The following ARMCX3 variants were observed in gnomAD, a reference collection of about 807,000 sequenced individuals.
ARMCX3 encodes the protein armadillo repeat-containing X-linked protein 3.
In ARMCX3, 3 loss-of-function variants were observed where a neutral mutation model predicts 12.6. That is an observed-to-expected ratio of 0.24 (90% CI 0.11 to 0.61). ARMCX3 has a LOEUF of 0.61. ARMCX3 is among the 20% of genes least tolerant of loss of function. ARMCX3 has a pLI of 0.88. For missense variants in ARMCX3, 204 were observed against 286.1 expected (o/e 0.71, Z 2.07); for synonymous variants, 102 against 103.1 (o/e 0.99, Z 0.06).
rs868935240 is a variant in ARMCX3, at chrX:101,625,134, G to A, written c.155G>A (p.Cys52Tyr). ...GGGGATGTGGATGATGCTGGGGACT[G>A]TTCTGGGGCCAGGTATAATGACTGG... Reference protein sequence around the residue: ...GSGDVDDAGDCSGARYNDWSD... With the variant: ...GSGDVDDAGDYSGARYNDWSD... The change falls in exon 5 of 5, where the codon TGT becomes TAT. Residue 52 changes from cysteine to tyrosine, a missense_variant. By Grantham distance (194) the Cys-to-Tyr change is radical. Coordinates refer to ENST00000471229, the MANE Select transcript of ARMCX3 (RefSeq NM_177947.3). 1 of 1,207,888 alleles carries A rather than the reference G, an allele frequency of 8.3e-7. No individual in the cohort carries two copies. Among genetic ancestry groups the A allele is most frequent in the African/African-American group, 1.8e-5 (1 of 57,134 alleles).
chrX:101,625,892 C>T lies in ARMCX3; in HGVS notation c.913C>T (p.Leu305Phe). The T allele has an allele frequency of 8.3e-7, 1 of 1,201,960 alleles. No homozygotes were observed. Among genetic ancestry groups the T allele is most frequent in the Non-Finnish European group, 1.1e-6 (1 of 890,865 alleles). Residue 305 changes from leucine (L) to phenylalanine (F), a missense_variant, in exon 5 of 5, where the codon CTT becomes TTT. Transcript: ENST00000471229. ...GGAGAACAAAGAAGTTATTCTTAAA[C>T]TTCTGGTCATATTTGAGAACATAAA... ...KKENKEVILK[L>F]LVIFENINDN...
At position 101,627,397 on chromosome X, in the gene ARMCX3, A is replaced by T. The variant is rs1467881629; in HGVS notation, c.*1278A>T. 2.4e-5 allele frequency: 3 copies of T among 123,892 alleles called. No individual in the cohort carries two copies. Among genetic ancestry groups the T allele is most frequent in the African/African-American group, 9.7e-5 (3 of 31,038 alleles). The allele number at this position is 123,892 out of a possible 1,213,427, so 10.2% of individuals were successfully genotyped here. ...AGATATCCAGATAGAAACAGTAGTTATCTTTGGGTAGAAGAATAATGAGTG... is the reference window on the plus strand; with the variant it reads ...AGATATCCAGATAGAAACAGTAGTTTTCTTTGGGTAGAAGAATAATGAGTG... On this transcript the variant is annotated 3_prime_UTR_variant, in exon 5 of 5. Transcript: ENST00000471229.
chrX:101,625,142 GC>G lies in ARMCX3; in HGVS notation c.165del (p.Arg56GlyfsTer18), dbSNP rs782622259. The G allele has an allele frequency of 8.3e-7, 1 of 1,209,860 alleles. No homozygotes were observed. Among genetic ancestry groups the G allele is most frequent in the Non-Finnish European group, 1.1e-6 (1 of 895,200 alleles). ...DVDDAGDCSG[A>X]RYNDWSDDDD... Reference sequence around the variant, plus strand: ...GGATGATGCTGGGGACTGTTCTGGGGCCAGGTATAATGACTGGTCTGATGAT... The same window carrying G: ...GGATGATGCTGGGGACTGTTCTGGGGCAGGTATAATGACTGGTCTGATGAT... On this transcript the variant is annotated frameshift_variant, in exon 5 of 5. Coordinates refer to ENST00000471229, the MANE Select transcript of ARMCX3 (RefSeq NM_177947.3). LOFTEE classifies it high-confidence loss of function.
At chrX:101,623,353 C>T (rs1445466398) in intron 1 of ARMCX3, 77 bp downstream of exon 1, 1 of 113,198 alleles carries the variant, frequency 8.8e-6, no homozygotes, top group Non-Finnish European at 1.9e-5. Flanking sequence ...ACTGAGGCGC[C>T]TCCGTCGTCT....
rs1232255100 is a variant in ARMCX3, at chrX:101,625,754, A to G, written c.775A>G (p.Thr259Ala). The change falls in exon 5 of 5, where the codon ACC becomes GCC. Residue 259 changes from threonine to alanine, a missense_variant. Thr to Ala is a moderately conservative substitution (Grantham distance 58). Coordinates refer to ENST00000471229, the MANE Select transcript of ARMCX3 (RefSeq NM_177947.3). Reference sequence around the variant, plus strand: ...TTTATTTTCAGCGGGAAATGAAGAAACCAAACTTCAGGTTCTGAAACTCCT... The same window carrying G: ...TTTATTTTCAGCGGGAAATGAAGAAGCCAAACTTCAGGTTCTGAAACTCCT... ...FRLFSAGNEETKLQVLKLLLN... is the reference protein window; with the variant it reads ...FRLFSAGNEEAKLQVLKLLLN... The G allele has an allele frequency of 1.7e-6, 2 of 1,179,197 alleles. No homozygotes were observed.
rs1935973691 is a variant in ARMCX3 at position 101,625,638 on chromosome X, T to C, written c.659T>C (p.Val220Ala). The C allele has an allele frequency of 8.4e-7, 1 of 1,193,476 alleles. No individual in the cohort carries two copies. The highest frequency in any genetic ancestry group is 1.1e-6 in the Non-Finnish European group (1 of 886,865). Residue 220 changes from valine to alanine, a missense_variant, in exon 5 of 5, where the codon GTG (valine) becomes GCG (alanine). Physicochemically the swap from Val to Ala is moderately conservative, Grantham distance 64. Coordinates refer to ENST00000471229, the MANE Select transcript of ARMCX3 (RefSeq NM_177947.3). Reference sequence around the variant, plus strand: ...ATCACTTCTCGCTTGAACTCATCTGTGCAGCTTGCTGGACTGAGATTGCTT... The same window carrying C: ...ATCACTTCTCGCTTGAACTCATCTGCGCAGCTTGCTGGACTGAGATTGCTT... ...DTITSRLNSS[V>A]QLAGLRLLTN... is the part of the protein sequence containing the mutation.
Position 101,625,694 on chromosome X carries a change from CA to C in ARMCX3, c.716del (p.His239ProfsTer26). Reference protein sequence around the residue: ...TNMTVTNEYQHMLANSISDFF... With the variant: ...TNMTVTNEYQXMLANSISDFF... ...TATGACTGTTACTAATGAGTATCAG[CA>C]CATGCTTGCTAATTCCATTTCTGAC... On this transcript the variant is annotated frameshift_variant, in exon 5 of 5. Coordinates refer to ENST00000471229, the MANE Select transcript of ARMCX3 (RefSeq NM_177947.3). LOFTEE classifies it high-confidence loss of function. 1 of 1,186,387 alleles carries C rather than the reference CA, an allele frequency of 8.4e-7. No individual in the cohort carries two copies. The highest frequency in any genetic ancestry group is 1.1e-6 in the Non-Finnish European group (1 of 884,107).
In ARMCX3 at chrX:101,626,168, T is replaced by G; in HGVS notation, c.*49T>G. ...GCAACACACATTGTAAACTATTCATTTTCTCCACCTTGTTTATATGGTAAA... is the reference window on the plus strand; with the variant it reads ...GCAACACACATTGTAAACTATTCATGTTCTCCACCTTGTTTATATGGTAAA... On this transcript the variant is annotated 3_prime_UTR_variant, in exon 5 of 5. Coordinates refer to ENST00000471229, the MANE Select transcript of ARMCX3 (RefSeq NM_177947.3). 1 of 1,045,053 alleles carries G rather than the reference T, an allele frequency of 9.6e-7. No individual in the cohort carries two copies. Among genetic ancestry groups the G allele is most frequent in the Non-Finnish European group, 1.3e-6 (1 of 780,482 alleles). 86.1% of individuals were successfully genotyped at this position (1,045,053 alleles called of 1,213,427 possible).
rs1936000664 is a variant in ARMCX3 at position 101,627,133 on chromosome X, G to C, written c.*1014G>C. ...GTTCATCCCAGCACTGTCTAAGCTA[G>C]TAAAAATTGGAAACAATTTAAGTAT... On this transcript the variant is annotated 3_prime_UTR_variant, in exon 5 of 5. Coordinates refer to ENST00000471229, the MANE Select transcript of ARMCX3 (RefSeq NM_177947.3). The C allele has an allele frequency of 1.6e-5, 2 of 123,391 alleles. No individual in the cohort carries two copies. The highest frequency in any genetic ancestry group is 6.5e-5 in the African/African-American group (2 of 30,833). 10.2% of individuals were successfully genotyped at this position (123,391 alleles called of 1,213,427 possible). A position where few individuals can be genotyped will look rare whatever the true frequency, so the allele number is the denominator to read the frequency against.
In ARMCX3 at chrX:101,625,312, C is replaced by T. The variant is rs782203221; in HGVS notation, c.333C>T (p.Pro111=). ...ARRAVQKRAS[P]NSDDTVLSPQ... ...GGGCTGTCCAGAAACGGGCTTCCCC[C>T]AATTCAGATGATACCGTTTTGTCCC... The change falls in exon 5 of 5, where the codon CCC becomes CCT. Residue 111 remains proline (P), a synonymous_variant. Coordinates refer to ENST00000471229, the MANE Select transcript of ARMCX3 (RefSeq NM_177947.3). 1 of 1,209,955 alleles carries T rather than the reference C, an allele frequency of 8.3e-7. No homozygotes were observed. Among genetic ancestry groups the T allele is most frequent in the East Asian group, 3.0e-5 (1 of 33,844 alleles).
At position 101,625,929 on chromosome X, in the gene ARMCX3, A is replaced by G. The variant is rs781802741; in HGVS notation, c.950A>G (p.Lys317Arg). The G allele has an allele frequency of 1.7e-6, 2 of 1,201,168 alleles. No individual in the cohort carries two copies. Among genetic ancestry groups the G allele is most frequent in the Non-Finnish European group, 2.2e-6 (2 of 892,043 alleles). Residue 317 changes from lysine (K) to arginine (R), a missense_variant, in exon 5 of 5, where the codon AAA (lysine) becomes AGA (arginine). Physicochemically the swap from Lys to Arg is conservative, Grantham distance 26 (BLOSUM62 2). Coordinates refer to ENST00000471229, the MANE Select transcript of ARMCX3 (RefSeq NM_177947.3). Reference sequence around the variant, plus strand: ...TTTGAGAACATAAATGATAATTTCAAATGGGAAGAAAATGAACCTACTCAG... The same window carrying G: ...TTTGAGAACATAAATGATAATTTCAGATGGGAAGAAAATGAACCTACTCAG... ...VIFENINDNFKWEENEPTQNQ... is the reference protein window; with the variant it reads ...VIFENINDNFRWEENEPTQNQ...
rs1357488866 is a variant in ARMCX3, at chrX:101,626,375, A to G, written c.*256A>G. The G allele has an allele frequency of 1.1e-5, 3 of 274,356 alleles. 1 individual carries two copies. The highest frequency in any genetic ancestry group is 8.4e-5 in the African/African-American group (3 of 35,694). The allele number at this position is 274,356 out of a possible 1,213,427, so 22.6% of individuals were successfully genotyped here. ...TGAAATATTTTGCTATTTCTTCTGC[A>G]TAAGTGACAGTGAACCAATTCATCA... On this transcript the variant is annotated 3_prime_UTR_variant, in exon 5 of 5. Transcript: ENST00000471229.
In ARMCX3 at chrX:101,626,404, G is replaced by A. The variant is rs1935989703; in HGVS notation, c.*285G>A. ...GTGACAGTGAACCAATTCATCATGA[G>A]TAAGCTCCCTTCTGTCATTTTCATT... On this transcript the variant is annotated 3_prime_UTR_variant, in exon 5 of 5. Coordinates refer to ENST00000471229, the MANE Select transcript of ARMCX3 (RefSeq NM_177947.3). 2 of 240,624 alleles carry A rather than the reference G, an allele frequency of 8.3e-6. No homozygotes were observed. Among genetic ancestry groups the A allele is most frequent in the Non-Finnish European group, 7.8e-6 (1 of 128,736 alleles). 19.8% of individuals were successfully genotyped at this position (240,624 alleles called of 1,213,427 possible).
At position 101,625,588 on chromosome X, in the gene ARMCX3, C is replaced by T. The variant is rs1253307661; in HGVS notation, c.609C>T (p.Tyr203=). 8.3e-7 allele frequency: 1 copy of T among 1,198,464 alleles called. No homozygotes were observed. Among genetic ancestry groups the T allele is most frequent in the Non-Finnish European group, 1.1e-6 (1 of 890,290 alleles). The change falls in exon 5 of 5, where the codon TAC becomes TAT. Residue 203 remains tyrosine (Y), a synonymous_variant. Coordinates refer to ENST00000471229, the MANE Select transcript of ARMCX3 (RefSeq NM_177947.3). ...AAAATCAGCGCAGGCTTAAAGTATA[C>T]ATGAATCAAGTGTGTGATGACACAA... ...NAENQRRLKV[Y]MNQVCDDTIT...
At position 101,625,858 on chromosome X, in the gene ARMCX3, T is replaced by C; in HGVS notation, c.879T>C (p.Phe293=). Residue 293 remains phenylalanine, a synonymous_variant, in exon 5 of 5, where the codon TTT becomes TTC. Coordinates refer to ENST00000471229, the MANE Select transcript of ARMCX3 (RefSeq NM_177947.3). ...AQVPSSLGSL[F]NKKENKEVIL... ...TACCATCTTCACTGGGCTCCCTCTT[T>C]AATAAGAAGGAGAACAAAGAAGTTA... 1 of 1,206,887 alleles carries C rather than the reference T, an allele frequency of 8.3e-7. No individual in the cohort carries two copies. Among genetic ancestry groups the C allele is most frequent in the South Asian group, 1.8e-5 (1 of 56,025 alleles).
chrX:101,626,377 A>G lies in ARMCX3; in HGVS notation c.*258A>G. 1 of 272,614 alleles carries G rather than the reference A, an allele frequency of 3.7e-6. No homozygotes were observed. The highest frequency in any genetic ancestry group is 6.7e-6 in the Non-Finnish European group (1 of 149,064). 22.5% of individuals were successfully genotyped at this position (272,614 alleles called of 1,213,427 possible). A position where few individuals can be genotyped will look rare whatever the true frequency, so the allele number is the denominator to read the frequency against. ...AAATATTTTGCTATTTCTTCTGCAT[A>G]AGTGACAGTGAACCAATTCATCATG... On this transcript the variant is annotated 3_prime_UTR_variant, in exon 5 of 5. Coordinates refer to ENST00000471229, the MANE Select transcript of ARMCX3 (RefSeq NM_177947.3).
chrX:101,625,636 T>C lies in ARMCX3; in HGVS notation c.657T>C (p.Ser219=). 8.4e-7 allele frequency: 1 copy of C among 1,192,850 alleles called. No homozygotes were observed. The highest frequency in any genetic ancestry group is 1.1e-6 in the Non-Finnish European group (1 of 886,566). ...CAATCACTTCTCGCTTGAACTCATC[T>C]GTGCAGCTTGCTGGACTGAGATTGC... ...DDTITSRLNS[S]VQLAGLRLLT... Residue 219 remains serine, a synonymous_variant, in exon 5 of 5, where the codon TCT becomes TCC. Coordinates refer to ENST00000471229, the MANE Select transcript of ARMCX3 (RefSeq NM_177947.3).
At chrX:101,623,456 A>AG (rs1935935238) in intron 1 of ARMCX3, 180 bp downstream of exon 1, 1 of 111,923 alleles carries the variant, frequency 8.9e-6, no homozygotes. Flanking sequence ...TTTGGGGAAG[A>AG]GCTCAGAGAC....
rs1935966935 is a variant in ARMCX3, at chrX:101,625,208, C to G, written c.229C>G (p.Pro77Ala). 8.3e-7 allele frequency: 1 copy of G among 1,209,366 alleles called. No individual in the cohort carries two copies. ...TGAGAGCAAGAGTATAGTATGGTAC[C>G]CACCTTGGGCTCGGATTGGGACTGA... ...SNESKSIVWY[P>A]PWARIGTEAG... The change falls in exon 5 of 5, where the codon CCA becomes GCA. Residue 77 changes from proline to alanine, a missense_variant. Coordinates refer to ENST00000471229, the MANE Select transcript of ARMCX3 (RefSeq NM_177947.3).
Sources: gnomAD v4.1 joint callset for allele counts on GRCh38, gnomAD v4.1.1 for gene constraint, MANE v1.5 for transcripts, NCBI Gene and HGNC (gene_info 2026-07-23, HGNC 2026-07-21) for gene names.